MPPED2: variants seen among roughly 807,000 people sequenced by gnomAD.
MPPED2 encodes metallophosphoesterase MPPED2.
A neutral mutation model predicts 33.0 loss-of-function variants in MPPED2; 5 were observed. That is an observed-to-expected ratio of 0.15 (90% CI 0.08 to 0.32). MPPED2 has a LOEUF of 0.32. Ranked by LOEUF, MPPED2 falls within the 10% of genes least tolerant of loss-of-function variation. The pLI is 1.00. For missense variants in MPPED2, 275 were observed against 372.1 expected, an observed-to-expected ratio of 0.74 and a Z score of 2.15; for synonymous variants, 136 against 141.9, an observed-to-expected ratio of 0.96 and a Z score of 0.29.
intron 3 of MPPED2, among the ~76,000 whole-genome samples, chr11:30,496,510 G>C (rs1952261453): frequency 6.6e-6 from 1 of 151,978 alleles, no homozygotes. Flanking sequence ...AAAAAGAGTG[G>C]GACAATGGCA....
chr11:30,466,371 G>A (rs899178390), intron 4 of MPPED2, among the ~76,000 whole-genome samples: 2 of 152,184 alleles, frequency 1.3e-5, no homozygotes, highest in African/African-American at 4.8e-5. Context: ...AGAGGAATGT[G>A]GATTTAGCAA....
In MPPED2 at chr11:30,410,961, C is replaced by A. The variant is rs1409658014; in HGVS notation, c.*507G>T. 1 of 985,676 alleles carries A rather than the reference C, an allele frequency of 1.0e-6. No individual in the cohort carries two copies. Among genetic ancestry groups the A allele is most frequent in the East Asian group, 1.1e-4 (1 of 8,812 alleles). The allele number at this position is 985,676 out of a possible 1,614,324, so 61.1% of individuals were successfully genotyped here. A position where few individuals can be genotyped will look rare whatever the true frequency, so the allele number is the denominator to read the frequency against. ...AGTATGAAAAGAAGTCTTTTCCATGCCTACTTCTGTTGAGAAGATTGCTAT... is the reference window on the plus strand; with the variant it reads ...AGTATGAAAAGAAGTCTTTTCCATGACTACTTCTGTTGAGAAGATTGCTAT... On this transcript the variant is annotated 3_prime_UTR_variant, in exon 7 of 7. Coordinates refer to ENST00000358117, the MANE Select transcript of MPPED2 (RefSeq NM_001584.3).
At chr11:30,481,760 T>C (rs1196836319) in intron 4 of MPPED2, among the ~76,000 whole-genome samples, 1 of 152,148 alleles carries the variant, frequency 6.6e-6, no homozygotes, top group Non-Finnish European at 1.5e-5. Flanking sequence ...GGTTTTATCA[T>C]TCAACCCAGC....
At chr11:30,578,246 A>G (rs1957015020) in intron 2 of MPPED2, among the ~76,000 whole-genome samples, 1 of 152,150 alleles carries the variant, frequency 6.6e-6, no homozygotes, top group African/African-American at 2.4e-5. Context: ...GGAAGGTGCT[A>G]AGATGTGTTC....
chr11:30,580,218 T>G, intron 2 of MPPED2, 28 bp downstream of exon 2: 1 of 1,599,096 alleles, frequency 6.3e-7, no homozygotes, highest in Non-Finnish European at 8.5e-7. Flanking sequence ...TGATTGCTAA[T>G]TTTGTTAAGT....
chr11:30,487,311 T>C (rs1951784715), intron 4 of MPPED2, among the ~76,000 whole-genome samples: 1 of 152,188 alleles, frequency 6.6e-6, no homozygotes, highest in Admixed American at 6.5e-5. Context: ...CTGCCAGCAC[T>C]TCCCTCTTGG....
At chr11:30,448,405 C>A (rs913115749) in intron 4 of MPPED2, among the ~76,000 whole-genome samples, 3 of 152,140 alleles carry the variant, frequency 2.0e-5, no homozygotes, top group Non-Finnish European at 4.4e-5. Context: ...TGCCAGGGTC[C>A]CACCTAGAAG....
chr11:30,429,827 C>T (rs1016515573), intron 4 of MPPED2, among the ~76,000 whole-genome samples: 4 of 152,178 alleles, frequency 2.6e-5, no homozygotes, highest in Non-Finnish European at 5.9e-5. Context: ...TCCCCAATCC[C>T]CTCAGCCCTT....
intron 3 of MPPED2, among the ~76,000 whole-genome samples, chr11:30,497,901 T>C (rs1363244215): frequency 6.6e-6 from 1 of 152,186 alleles, no homozygotes; most frequent in Non-Finnish European, 1.5e-5. Context: ...AATCCAGTAG[T>C]AGCTTCCAAC....
At chr11:30,569,185 T>C (rs1301265209) in intron 2 of MPPED2, among the ~76,000 whole-genome samples, 1 of 151,838 alleles carries the variant, frequency 6.6e-6, no homozygotes, top group Admixed American at 6.6e-5. Context: ...AGGGGAGCCA[T>C]CCACCACCAC....
chr11:30,495,130 A>G (rs2134206779), intron 4 of MPPED2, 166 bp downstream of exon 4: 2 of 615,760 alleles, frequency 3.2e-6, no homozygotes, highest in Non-Finnish European at 5.8e-6. Context: ...AATGAAAACA[A>G]CAAGTGTTGC....
chr11:30,557,877 G>A (rs975204608), intron 2 of MPPED2, among the ~76,000 whole-genome samples: 20 of 152,212 alleles, frequency 1.3e-4, no homozygotes, highest in African/African-American at 4.8e-4. Flanking sequence ...TGGTCAGAGG[G>A]AGAAAGTCAA....
intron 6 of MPPED2, among the ~76,000 whole-genome samples, chr11:30,391,498 G>C (rs147312021): frequency 8.6e-5 from 13 of 152,044 alleles, no homozygotes; most frequent in African/African-American, 2.2e-4. Context: ...GCTTGGGTTC[G>C]CATCCTGGCT....
exon 7 of MPPED2, chr11:30,388,091 T>G: frequency 6.6e-6 from 1 of 152,396 alleles, no homozygotes; most frequent in Admixed American, 6.5e-5. Context: ...CTTGGGATGC[T>G]TTGGGAAGGG....
At chr11:30,473,247 G>T (rs751348061) in intron 4 of MPPED2, among the ~76,000 whole-genome samples, 3 of 151,976 alleles carry the variant, frequency 2.0e-5, no homozygotes, top group Non-Finnish European at 4.4e-5. Flanking sequence ...CTCTCGTCAC[G>T]CATTTATTTT....
intron 2 of MPPED2, among the ~76,000 whole-genome samples, chr11:30,574,268 T>C (rs1956827382): frequency 6.6e-6 from 1 of 152,148 alleles, no homozygotes; most frequent in South Asian, 2.1e-4. Context: ...ACCTTTTCTG[T>C]GTTTAGATAT....
intron 3 of MPPED2, among the ~76,000 whole-genome samples, chr11:30,500,364 A>G (rs1267564755): frequency 2.0e-5 from 3 of 151,450 alleles, no homozygotes; most frequent in South Asian, 2.1e-4. Flanking sequence ...ATTCCATGAC[A>G]CTCTCCTTAT....
chr11:30,387,044 T>A, exon 7 of MPPED2: 1 of 343,914 alleles, frequency 2.9e-6, no homozygotes, highest in Non-Finnish European at 5.2e-6. Context: ...CCTGGGAGCA[T>A]CTAACTGCAC....
intron 4 of MPPED2, among the ~76,000 whole-genome samples, chr11:30,432,498 AT>A (rs1949125571): frequency 6.6e-6 from 1 of 152,072 alleles, no homozygotes. Context: ...GCTATATTTC[AT>A]TTTTGAAAGG....
Sources: allele counts gnomAD v4.1 joint callset (sites outside exome capture counted in the v4.1 genomes callset), GRCh38; gene constraint gnomAD v4.1.1; transcripts MANE v1.5; gene names NCBI Gene and HGNC (gene_info 2026-07-23, HGNC 2026-07-21).